ENTPD5: variants seen among roughly 807,000 people sequenced by gnomAD.
The protein encoded by ENTPD5 is ectonucleoside triphosphate diphosphohydrolase 5 (inactive).
In ENTPD5, 49 loss-of-function variants were observed where a neutral mutation model predicts 60.2. The ratio of observed to expected loss-of-function variants is 0.81; its 90% CI spans 0.65 to 1.03. ENTPD5 has a LOEUF of 1.03. Among genes scored for constraint, ENTPD5 ranks in the 50% least tolerant of loss-of-function variants. The pLI is 0.00. For missense variants in ENTPD5, 480 were observed against 507.6 expected (o/e 0.95, Z 0.52); for synonymous variants, 187 against 185.4 (o/e 1.01, Z -0.07).
intron 6 of ENTPD5, among the ~76,000 whole-genome samples, chr14:73,979,961 T>A (rs2057608848): frequency 6.6e-6 from 1 of 151,346 alleles, no homozygotes. Flanking sequence ...TTTTTTTTTT[T>A]TTGAGACAGA....
downstream of ENTPD5, chr14:73,962,946 C>A: frequency 1.3e-6 from 2 of 1,577,604 alleles, no homozygotes; most frequent in Non-Finnish European, 1.7e-6. Flanking sequence ...TTAAGAGTTT[C>A]ATTCACTTTT....
chr14:73,993,794 T>A (rs540294889), intron 3 of ENTPD5, among the ~76,000 whole-genome samples: 2 of 151,780 alleles, frequency 1.3e-5, no homozygotes, highest in South Asian at 4.1e-4. Flanking sequence ...AAATTTTGTA[T>A]TAATATATCA....
intron 2 of ENTPD5, among the ~76,000 whole-genome samples, chr14:74,012,798 A>T (rs1162271882): frequency 6.6e-6 from 1 of 152,180 alleles, no homozygotes; most frequent in Non-Finnish European, 1.5e-5. Context: ...AAATCTGCTG[A>T]TTTTTAAATG....
intron 3 of ENTPD5, among the ~76,000 whole-genome samples, chr14:73,992,686 A>G (rs1336665990): frequency 2.3e-5 from 3 of 132,584 alleles, no homozygotes; most frequent in Non-Finnish European, 5.0e-5. Flanking sequence ...TCCGTCTCAA[A>G]AAAAAAAAAA....
chr14:73,997,549 T>C (rs2058376701), intron 3 of ENTPD5, among the ~76,000 whole-genome samples: 1 of 152,086 alleles, frequency 6.6e-6, no homozygotes, highest in Admixed American at 6.6e-5. Context: ...GTAACTAGAA[T>C]GAAATTTTTA....
intron 3 of ENTPD5, 60 bp downstream of exon 3, chr14:74,011,031 C>T (rs2140862637): frequency 3.4e-6 from 1 of 293,278 alleles, no homozygotes; most frequent in African/African-American, 2.3e-5. Context: ...AACAACAAAG[C>T]AGAATTTGCA....
chr14:73,958,763 C>A, downstream of ENTPD5: 1 of 1,471,026 alleles, frequency 6.8e-7, no homozygotes, highest in Non-Finnish European at 9.0e-7. Flanking sequence ...GGCACCTGTT[C>A]AGTCATGTCC....
intron 2 of ENTPD5, among the ~76,000 whole-genome samples, chr14:74,011,891 C>T (rs2058856746): frequency 6.6e-6 from 1 of 152,078 alleles, no homozygotes; most frequent in Non-Finnish European, 1.5e-5. Flanking sequence ...TGCCTATACT[C>T]CCAGCACTTT....
At chr14:73,958,139 C>A (rs1227844946), downstream of ENTPD5, 1 of 1,613,332 alleles carries the variant, frequency 6.2e-7, no homozygotes, top group Non-Finnish European at 8.5e-7. Flanking sequence ...CTCTTTTGAC[C>A]TCCCCAGACC....
At chr14:74,000,003 A>C (rs1249780998) in intron 3 of ENTPD5, among the ~76,000 whole-genome samples, 2 of 145,764 alleles carry the variant, frequency 1.4e-5, no homozygotes, top group Non-Finnish European at 3.0e-5. Flanking sequence ...CAGGAGAATC[A>C]CTTGAACCCA....
chr14:74,016,701 G>A (rs953751534), intron 1 of ENTPD5, among the ~76,000 whole-genome samples: 8 of 152,076 alleles, frequency 5.3e-5, no homozygotes, highest in East Asian at 1.9e-4. Flanking sequence ...AAGGTACTAC[G>A]CATACATTAA....
downstream of ENTPD5, chr14:73,956,284 C>CTGT: frequency 7.7e-6 from 2 of 260,306 alleles, no homozygotes; most frequent in Non-Finnish European, 7.6e-6. Flanking sequence ...GCCGAGATCA[C>CTGT]GCCACTGCAC....
At chr14:73,994,576 C>T (rs2058267660) in intron 3 of ENTPD5, among the ~76,000 whole-genome samples, 1 of 151,724 alleles carries the variant, frequency 6.6e-6, no homozygotes, top group East Asian at 2.0e-4. Flanking sequence ...CTACTAAAAA[C>T]ACAAAAATTA....
intron 3 of ENTPD5, among the ~76,000 whole-genome samples, chr14:74,000,132 A>ACT (rs893003381): frequency 1.5e-4 from 23 of 150,816 alleles, no homozygotes; most frequent in African/African-American, 5.1e-4. Context: ...CACAGGACTA[A>ACT]CTCCCTAGAG....
At chr14:73,979,707 G>A (rs1196272335) in intron 6 of ENTPD5, among the ~76,000 whole-genome samples, 9 of 151,998 alleles carry the variant, frequency 5.9e-5, no homozygotes, top group South Asian at 2.1e-4. Context: ...TCCTAACCTC[G>A]TGATCCACCC....
chr14:73,972,954 C>G lies in ENTPD5; in HGVS notation c.957G>C (p.Glu319Asp), dbSNP rs1166745170. 17 of 1,614,082 alleles carry G rather than the reference C, an allele frequency of 1.1e-5. No homozygotes were observed. The highest frequency in any genetic ancestry group is 1.4e-5 in the Non-Finnish European group (16 of 1,180,042). The stretch of plus-strand genomic sequence containing the variant: ...CATAGAAGGAACCTCTCTGGACCTC[C>G]TCTGGCTGGTGAAGTTTTCCTCGTA... ...RVVRGKLHQP[E>D]EVQRGSFYAF... is the part of the protein sequence containing the mutation. Residue 319 changes from glutamate to aspartate, a missense_variant, in exon 13 of 16, where the codon GAG (glutamate) becomes GAC (aspartate). By Grantham distance (45) the Glu-to-Asp change is conservative. Coordinates refer to ENST00000334696, the MANE Select transcript of ENTPD5 (RefSeq NM_001249.5).
At chr14:73,961,476 T>A, downstream of ENTPD5, 1 of 1,614,144 alleles carries the variant, frequency 6.2e-7, no homozygotes, top group Non-Finnish European at 8.5e-7. Context: ...ACAGAGTCCA[T>A]CCGCTTGCAG....
At chr14:74,003,312 G>A (rs1246437268) in intron 3 of ENTPD5, 2 of 452,514 alleles carry the variant, frequency 4.4e-6, no homozygotes, top group Admixed American at 2.8e-5. Flanking sequence ...GAGCGTCCAA[G>A]GTGGAATTCA....
downstream of ENTPD5, among the ~76,000 whole-genome samples, chr14:73,957,768 G>T (rs1003757251): frequency 6.6e-6 from 1 of 152,148 alleles, no homozygotes; most frequent in African/African-American, 2.4e-5. Flanking sequence ...AAAATAAAAT[G>T]ATTTCCAGCT....
Sources: allele counts gnomAD v4.1 joint callset (sites outside exome capture counted in the v4.1 genomes callset), GRCh38; gene constraint gnomAD v4.1.1; transcripts MANE v1.5; gene names NCBI Gene and HGNC (gene_info 2026-07-23, HGNC 2026-07-21).